The following ERC1 variants were observed in gnomAD, a reference collection of about 807,000 sequenced individuals.
ERC1 encodes RAB6 interacting protein 2.
A neutral mutation model predicts 132.0 loss-of-function variants in ERC1; 56 were observed. That is an observed-to-expected ratio of 0.42 (90% CI 0.34 to 0.53). The LOEUF (loss-of-function observed/expected upper bound fraction) is 0.53, where lower values mean the gene tolerates loss of function less well. Ranked by LOEUF, ERC1 falls within the 20% of genes least tolerant of loss-of-function variation. The pLI is 0.03. For synonymous variants in ERC1, 478 were observed against 476.1 expected (o/e 1.00, Z -0.05); for missense variants, 1,202 against 1,349.9 (o/e 0.89, Z 1.72).
chr12:1,043,534 CTAGGATT>C (rs1156238144), intron 2 of ERC1, among the ~76,000 whole-genome samples: 1 of 152,106 alleles, frequency 6.6e-6, no homozygotes, highest in Non-Finnish European at 1.5e-5. Context: ...GAAGGTGTTT[CTAGGATT>C]TAGGGTGGAG....
chr12:1,305,817 C>A (rs2080842557), intron 15 of ERC1, among the ~76,000 whole-genome samples: 1 of 152,082 alleles, frequency 6.6e-6, no homozygotes, highest in Non-Finnish European at 1.5e-5. Flanking sequence ...TCTTCAAAAT[C>A]CATCAGATGG....
At chr12:1,257,567 G>A (rs543435289) in intron 13 of ERC1, among the ~76,000 whole-genome samples, 14 of 152,040 alleles carry the variant, frequency 9.2e-5, no homozygotes, top group Non-Finnish European at 1.9e-4. Context: ...TTATCACCAT[G>A]GTAATTATCA....
At chr12:1,440,416 C>T (rs376408007) in intron 17 of ERC1, among the ~76,000 whole-genome samples, 185 of 150,776 alleles carry the variant, frequency 1.2e-3, no homozygotes, top group East Asian at 5.1e-3. Flanking sequence ...CCGTGTTAGC[C>T]AGGATGGTCT....
Position 1,080,165 on chromosome 12 carries a change from A to C in ERC1, c.670-2999A>C, listed in dbSNP as rs563350637. Among the ~76,000 whole-genome samples the C allele has an allele frequency of 1.2e-4, 19 of 152,356 alleles. No individual in the cohort carries two copies. The East Asian group carries it at 3.5e-3, about 28-fold the overall frequency. ...AAATATATATAACATAAAATTTACC[A>C]TCTTAACCATTTCGAAGTGTACAGT... On this transcript the variant is annotated intron_variant, in intron 2 of 18. Transcript: ENST00000360905.
At chr12:1,393,132 G>T (rs540473506) in intron 16 of ERC1, among the ~76,000 whole-genome samples, 14 of 152,234 alleles carry the variant, frequency 9.2e-5, no homozygotes, top group Non-Finnish European at 1.5e-5. Flanking sequence ...ACACACAGGT[G>T]TATAGTTGGT....
chr12:1,144,549 A>C (rs207472607), intron 8 of ERC1, among the ~76,000 whole-genome samples: 80 of 145,792 alleles, frequency 5.5e-4, no homozygotes, highest in African/African-American at 2.1e-3. Flanking sequence ...ATGGTCTCCA[A>C]CTCCATCCAG....
chr12:1,216,626 G>GA (rs1316428160), intron 12 of ERC1, among the ~76,000 whole-genome samples: 3 of 134,876 alleles, frequency 2.2e-5, no homozygotes, highest in Non-Finnish European at 4.8e-5. Flanking sequence ...GGGGGGTGGG[G>GA]GGCGGGGGGA....
chr12:1,093,955 T>TTTTATATATATATATATATATATATA (rs1469024496), intron 3 of ERC1, among the ~76,000 whole-genome samples: 1 of 16,140 alleles, frequency 6.2e-5, no homozygotes. Flanking sequence ...ATATATATTT[T>TTTTATATATATATATATATATATATA]TCTATATATA....
chr12:1,342,509 A>G (rs1453479774), intron 15 of ERC1, among the ~76,000 whole-genome samples: 1 of 151,712 alleles, frequency 6.6e-6, no homozygotes, highest in Non-Finnish European at 1.5e-5. Context: ...CAAAAAATGC[A>G]GGGATAGAGA....
chr12:1,324,757 G>A (rs1595003542), intron 15 of ERC1, among the ~76,000 whole-genome samples: 1 of 152,210 alleles, frequency 6.6e-6, no homozygotes, highest in East Asian at 1.9e-4. Flanking sequence ...TATACCTAAG[G>A]TAAATCTTCC....
intron 5 of ERC1, among the ~76,000 whole-genome samples, chr12:1,111,102 G>T (rs1354200270): frequency 6.6e-6 from 1 of 152,018 alleles, no homozygotes; most frequent in Admixed American, 6.6e-5. Flanking sequence ...ATCCTGTGGG[G>T]AAGATCCACT....
chr12:989,983 A>T (rs535599872), upstream of ERC1: 1 of 152,366 alleles, frequency 6.6e-6, no homozygotes, highest in African/African-American at 2.4e-5. Context: ...TGTGGGAAGT[A>T]CTGAAGGGGG....
At chr12:1,288,213 A>C (rs1180022625) in intron 14 of ERC1, among the ~76,000 whole-genome samples, 1 of 152,244 alleles carries the variant, frequency 6.6e-6, no homozygotes, top group East Asian at 1.9e-4. Flanking sequence ...GTATATGTTC[A>C]TGTAAAGCTT....
At position 1,059,482 on chromosome 12, in the gene ERC1, G is replaced by A. The variant is rs1973615299; in HGVS notation, c.670-23682G>A. On this transcript the variant is annotated intron_variant, in intron 2 of 18. Coordinates refer to ENST00000360905, the MANE Select transcript of ERC1 (RefSeq NM_178040.4). ...TGTTAGCTGTCACTTTGTCATATGT[G>A]GCCTTGATTATGTTGAGGTATGTTC... 2.0e-5 allele frequency among the ~76,000 whole-genome samples: 3 copies of A among 152,080 alleles called. No individual in the cohort carries two copies. The South Asian group carries it at 6.2e-4, about 32-fold the overall frequency.
intron 7 of ERC1, among the ~76,000 whole-genome samples, chr12:1,122,451 ATC>A (rs369415745): frequency 2.5e-5 from 1 of 39,790 alleles, no homozygotes; most frequent in Non-Finnish European, 5.0e-5. Context: ...CTCTATCTCT[ATC>A]TCTATCTCTA....
At chr12:1,444,779 A>G in intron 18 of ERC1, 29 bp downstream of exon 18, 1 of 1,595,980 alleles carries the variant, frequency 6.3e-7, no homozygotes. Context: ...CTTTGAAAAG[A>G]GCCTGTGAAA....
chr12:1,176,716 G>A (rs180900455), intron 8 of ERC1, among the ~76,000 whole-genome samples: 22 of 152,158 alleles, frequency 1.4e-4, no homozygotes, highest in Admixed American at 2.6e-4. Flanking sequence ...GAATAACTGG[G>A]ATTACAGGCA....
At chr12:1,257,899 T>C (rs964778942) in intron 13 of ERC1, among the ~76,000 whole-genome samples, 17 of 152,214 alleles carry the variant, frequency 1.1e-4, no homozygotes, top group African/African-American at 4.1e-4. Flanking sequence ...ATAATCAATA[T>C]GAAAATTATT....
chr12:1,425,801 A>G (rs1372425588), intron 17 of ERC1, among the ~76,000 whole-genome samples: 2 of 152,176 alleles, frequency 1.3e-5, no homozygotes, highest in African/African-American at 4.8e-5. Context: ...GCGTAACATG[A>G]ATTATCCAAG....
Sources: allele counts gnomAD v4.1 joint callset (sites outside exome capture counted in the v4.1 genomes callset), GRCh38; gene constraint gnomAD v4.1.1; transcripts MANE v1.5; gene names NCBI Gene and HGNC (gene_info 2026-07-23, HGNC 2026-07-21).